SHANK2: variants seen among roughly 807,000 people sequenced by gnomAD.
SHANK2 encodes the protein SH3 and multiple ankyrin repeat domains 2, also known as SH3 and multiple ankyrin repeat domains protein 2.
SHANK2 carries 43 observed loss-of-function variants against 133.7 expected under a neutral mutation model. The observed-to-expected ratio is 0.32, with a 90% CI of 0.25 to 0.41. The LOEUF (loss-of-function observed/expected upper bound fraction) is 0.41, where lower values mean the gene tolerates loss of function less well. SHANK2 is among the 10% of genes least tolerant of loss of function. SHANK2 has a pLI of 1.00. For missense variants in SHANK2, 1,994 were observed against 2,235.8 expected, an observed-to-expected ratio of 0.89 and a Z score of 2.18; for synonymous variants, 1,017 against 952.8, an observed-to-expected ratio of 1.07 and a Z score of -1.24.
intron 18 of SHANK2, 66 bp downstream of exon 18, chr11:70,502,730 T>TGGGGGGGGGGGGG: frequency 4.1e-5 from 32 of 772,438 alleles, no homozygotes; most frequent in East Asian, 2.6e-4. Context: ...CCAGCTGTCC[T>TGGGGGGGGGGGGG]GCCCGCCCCC....
chr11:70,588,204 ATT>A (rs1292152047), intron 17 of SHANK2, among the ~76,000 whole-genome samples: 1 of 152,170 alleles, frequency 6.6e-6, no homozygotes, highest in Non-Finnish European at 1.5e-5. Flanking sequence ...TATAGCTCTT[ATT>A]TCACATGCCA....
At chr11:71,159,962 G>A (rs12282261) in intron 2 of SHANK2, among the ~76,000 whole-genome samples, 9,042 of 144,600 alleles carry the variant, frequency 0.063, 621 homozygotes, top group African/African-American at 0.17. Flanking sequence ...ACTCCAGCCT[G>A]GGTGGCAGGA....
chr11:71,182,055 T>C (rs1953569697), intron 2 of SHANK2, among the ~76,000 whole-genome samples: 1 of 152,062 alleles, frequency 6.6e-6, no homozygotes, highest in Admixed American at 6.5e-5. Context: ...ACAAGTGTTT[T>C]CTCTCCTGAG....
chr11:70,864,202 C>T (rs1182951520), intron 11 of SHANK2: 4 of 194,996 alleles, frequency 2.1e-5, no homozygotes, highest in Non-Finnish European at 4.3e-5. Flanking sequence ...CTTCTGTTGC[C>T]GTGGCAACTC....
chr11:71,166,791 T>A lies in SHANK2; in HGVS notation c.-12-19453A>T, dbSNP rs113936504. Among the ~76,000 whole-genome samples the A allele has an allele frequency of 4.5e-4, 64 of 142,940 alleles. No individual in the cohort carries two copies. The East Asian group carries it at 0.012, about 27-fold the overall frequency. 93.8% of individuals were successfully genotyped at this position (142,940 alleles called of 152,430 possible). On this transcript the variant is annotated intron_variant, in intron 2 of 25. Coordinates refer to ENST00000601538, the MANE Select transcript of SHANK2 (RefSeq NM_012309.5). The stretch of plus-strand genomic sequence containing the variant: ...AGCCACCACACCGGGCCCACACTTC[T>A]TTTTTTTTTTTTTTTAATTGATCAT...
intron 14 of SHANK2, among the ~76,000 whole-genome samples, chr11:70,745,204 C>T (rs1591807425): frequency 6.6e-6 from 1 of 152,232 alleles, no homozygotes; most frequent in East Asian, 1.9e-4. Context: ...CTAGTGAGCC[C>T]CGCCTTTCTC....
Position 70,746,066 on chromosome 11 carries a change from C to G in SHANK2, c.1778-47303G>C, listed in dbSNP as rs372078288. 1.9e-4 allele frequency among the ~76,000 whole-genome samples: 29 copies of G among 152,340 alleles called. 1 individual carries two copies. The East Asian group carries it at 2.1e-3, about 11-fold the overall frequency. ...GGGAGTTACTGAAGGGAAAATCACA[C>G]AGGTGCTGACCCGAGACAGGGCTGA... On this transcript the variant is annotated intron_variant, in intron 14 of 25. Coordinates refer to ENST00000601538, the MANE Select transcript of SHANK2 (RefSeq NM_012309.5).
At chr11:70,532,937 T>C (rs1334905592) in intron 17 of SHANK2, among the ~76,000 whole-genome samples, 2 of 152,230 alleles carry the variant, frequency 1.3e-5, no homozygotes, top group African/African-American at 4.8e-5. Context: ...AATGAAATGC[T>C]GACACGTGTT....
chr11:70,594,557 C>T (rs955446696), intron 17 of SHANK2, among the ~76,000 whole-genome samples: 15 of 152,138 alleles, frequency 9.9e-5, no homozygotes, highest in African/African-American at 2.9e-4. Context: ...GGAATAGACA[C>T]ACTTTTAGAG....
At chr11:70,885,101 T>C (rs1052935442) in intron 11 of SHANK2, among the ~76,000 whole-genome samples, 2 of 152,192 alleles carry the variant, frequency 1.3e-5, no homozygotes, top group Non-Finnish European at 2.9e-5. Flanking sequence ...GGAGATGTTA[T>C]ACAACACTTT....
intron 2 of SHANK2, among the ~76,000 whole-genome samples, chr11:71,190,642 G>T (rs1200919661): frequency 6.6e-6 from 1 of 152,204 alleles, no homozygotes; most frequent in Admixed American, 6.5e-5. Context: ...TTCTGACAAC[G>T]TATGTGCAGA....
At chr11:71,161,274 C>T (rs1477325014) in intron 2 of SHANK2, among the ~76,000 whole-genome samples, 1 of 152,214 alleles carries the variant, frequency 6.6e-6, no homozygotes, top group African/African-American at 2.4e-5. Context: ...ACATGATAGA[C>T]AGCAGGTCCT....
chr11:71,080,291 G>C (rs1289388867), intron 8 of SHANK2, among the ~76,000 whole-genome samples: 1 of 152,156 alleles, frequency 6.6e-6, no homozygotes, highest in African/African-American at 2.4e-5. Context: ...ACCTGGAGAT[G>C]GCTCCCCTCG....
intron 15 of SHANK2, among the ~76,000 whole-genome samples, chr11:70,677,817 C>T (rs1412502016): frequency 6.6e-6 from 1 of 152,230 alleles, no homozygotes; most frequent in African/African-American, 2.4e-5. Flanking sequence ...TCCTTGCGTA[C>T]CCATTTCCCA....
At chr11:70,906,376 T>C (rs1228336020) in intron 10 of SHANK2, among the ~76,000 whole-genome samples, 2 of 152,098 alleles carry the variant, frequency 1.3e-5, no homozygotes, top group African/African-American at 4.8e-5. Flanking sequence ...GTGTGACCTG[T>C]TCCCTGACGC....
intron 10 of SHANK2, among the ~76,000 whole-genome samples, chr11:70,905,660 T>A (rs782767740): frequency 6.6e-6 from 1 of 152,078 alleles, no homozygotes; most frequent in Non-Finnish European, 1.5e-5. Flanking sequence ...CCTTCCGCCA[T>A]GTGAGGACAC....
chr11:70,940,827 A>G (rs1950637407), intron 10 of SHANK2, among the ~76,000 whole-genome samples: 1 of 152,190 alleles, frequency 6.6e-6, no homozygotes, highest in African/African-American at 2.4e-5. Flanking sequence ...AGAAAAAAGG[A>G]AAAAATGGCT....
intron 3 of SHANK2, among the ~76,000 whole-genome samples, chr11:71,143,732 A>C (rs1952596386): frequency 6.6e-6 from 1 of 152,186 alleles, no homozygotes; most frequent in Non-Finnish European, 1.5e-5. Flanking sequence ...TTAACGAATC[A>C]ACATTACATA....
intron 17 of SHANK2, among the ~76,000 whole-genome samples, chr11:70,587,227 G>GC (rs1408162544): frequency 6.6e-6 from 1 of 152,196 alleles, no homozygotes; most frequent in Non-Finnish European, 1.5e-5. Flanking sequence ...GTCCAGGGAT[G>GC]CCACGCCACA....
Sources: gnomAD v4.1 joint callset for allele counts (sites outside exome capture counted in the v4.1 genomes callset) on GRCh38, gnomAD v4.1.1 for gene constraint, MANE v1.5 for transcripts, NCBI Gene and HGNC (gene_info 2026-07-23, HGNC 2026-07-21) for gene names.